PBX1: variants seen among roughly 807,000 people sequenced by gnomAD.
The protein encoded by PBX1 is PBX homeobox 1, also known as pre-B-cell leukemia transcription factor 1.
In PBX1, 6 loss-of-function variants were observed where a neutral mutation model predicts 53.4. The observed-to-expected ratio is 0.11, with a 90% CI of 0.06 to 0.22. The LOEUF is 0.22. Among genes scored for constraint, PBX1 ranks in the 10% least tolerant of loss-of-function variants. The probability of loss-of-function intolerance (pLI) is 1.00; values close to 1 mark genes in which losing one functional copy is unlikely to be tolerated. For missense variants in PBX1, 251 were observed against 551.4 expected (o/e 0.46, Z 5.46); for synonymous variants, 204 against 212.3 (o/e 0.96, Z 0.34).
At chr1:164,743,909 C>T (rs996020283) in intron 2 of PBX1, among the ~76,000 whole-genome samples, 1 of 152,048 alleles carries the variant, frequency 6.6e-6, no homozygotes, top group Admixed American at 6.6e-5. Flanking sequence ...CTCCTAGCTG[C>T]GAGGGAGGCT....
chr1:164,856,673 A>G (rs1433982379), downstream of PBX1, among the ~76,000 whole-genome samples: 2 of 152,098 alleles, frequency 1.3e-5, no homozygotes, highest in Non-Finnish European at 2.9e-5. Flanking sequence ...TTCAGAACAC[A>G]TGACAGGTCT....
intron 2 of PBX1, among the ~76,000 whole-genome samples, chr1:164,632,110 C>T (rs1335945682): frequency 6.6e-6 from 1 of 152,216 alleles, no homozygotes; most frequent in African/African-American, 2.4e-5. Context: ...ACACCACCCC[C>T]TCTCTGGACA....
intron 2 of PBX1, among the ~76,000 whole-genome samples, chr1:164,710,825 A>T (rs1187453494): frequency 6.6e-6 from 1 of 152,208 alleles, no homozygotes; most frequent in African/African-American, 2.4e-5. Context: ...ATATTTAATT[A>T]TTTGAAATAT....
chr1:164,677,359 TG>T (rs1361064581), intron 2 of PBX1, among the ~76,000 whole-genome samples: 1 of 151,912 alleles, frequency 6.6e-6, no homozygotes, highest in East Asian at 2.0e-4. Context: ...CCCAAAGTGC[TG>T]GGATTACAGG....
intron 2 of PBX1, among the ~76,000 whole-genome samples, chr1:164,750,637 T>C (rs1666160661): frequency 6.6e-6 from 1 of 152,228 alleles, no homozygotes. Flanking sequence ...CAGTCAGAAG[T>C]AGCTTTCAGG....
intron 2 of PBX1, among the ~76,000 whole-genome samples, chr1:164,784,394 G>A (rs112258093): frequency 0.016 from 2,429 of 152,304 alleles, 71 homozygotes; most frequent in African/African-American, 0.054. Flanking sequence ...GCTGGCCCAG[G>A]GAGGCGCAGC....
chr1:164,779,042 ATT>A (rs11350510), intron 2 of PBX1, among the ~76,000 whole-genome samples: 4,325 of 131,992 alleles, frequency 0.033, 172 homozygotes, highest in African/African-American at 0.1. Flanking sequence ...AAAGGAGATA[ATT>A]TTTTTTTTTT....
intron 2 of PBX1, among the ~76,000 whole-genome samples, chr1:164,597,772 A>G (rs1209655795): frequency 6.6e-6 from 1 of 152,156 alleles, no homozygotes; most frequent in Non-Finnish European, 1.5e-5. Context: ...TTTGTAGGTT[A>G]TAACTCTGGG....
intron 2 of PBX1, among the ~76,000 whole-genome samples, chr1:164,599,519 C>G (rs1032923578): frequency 1.3e-5 from 2 of 152,008 alleles, no homozygotes; most frequent in Non-Finnish European, 2.9e-5. Flanking sequence ...TAGTTCAAAC[C>G]CATTGTTTTT....
At chr1:164,871,913 CAA>C (rs1278347500) in intron 2 of PBX1, among the ~76,000 whole-genome samples, 2 of 152,110 alleles carry the variant, frequency 1.3e-5, no homozygotes, top group African/African-American at 4.8e-5. Flanking sequence ...ACACCGAACT[CAA>C]AGTTTCCCTT....
At chr1:164,625,851 C>T (rs1658000456) in intron 2 of PBX1, 1 of 692,130 alleles carries the variant, frequency 1.4e-6, no homozygotes, top group Non-Finnish European at 1.8e-6. Flanking sequence ...CATGAATTAT[C>T]CCATTCCCCC....
intron 8 of PBX1, 117 bp from the exon 9 acceptor site, chr1:164,846,467 T>C: frequency 1.2e-6 from 1 of 837,812 alleles, no homozygotes; most frequent in Admixed American, 1.8e-5. Flanking sequence ...TTGATGAGTG[T>C]CTCCATGTGC....
intron 2 of PBX1, chr1:164,683,633 T>G (rs1442399461): frequency 6.6e-6 from 1 of 152,076 alleles, no homozygotes; most frequent in African/African-American, 2.4e-5. Flanking sequence ...ACATACACAC[T>G]CTCACTTTTA....
chr1:164,723,450 G>T (rs1410525495), intron 2 of PBX1, among the ~76,000 whole-genome samples: 1 of 152,198 alleles, frequency 6.6e-6, no homozygotes, highest in Non-Finnish European at 1.5e-5. Context: ...AGTCATCAAA[G>T]AATTAATGTT....
intron 3 of PBX1, among the ~76,000 whole-genome samples, chr1:164,798,104 G>A (rs1668875307): frequency 6.6e-6 from 1 of 152,288 alleles, no homozygotes; most frequent in Non-Finnish European, 1.5e-5. Flanking sequence ...TATTCATGGA[G>A]GCAGGGTCAA....
At chr1:164,825,477 T>C (rs367760079) in intron 8 of PBX1, among the ~76,000 whole-genome samples, 9 of 152,320 alleles carry the variant, frequency 5.9e-5, no homozygotes, top group East Asian at 3.9e-4. Flanking sequence ...GCTACTAAAT[T>C]AAAAATTCAT....
chr1:164,638,103 G>A (rs1190101244), intron 2 of PBX1, among the ~76,000 whole-genome samples: 4 of 152,188 alleles, frequency 2.6e-5, no homozygotes, highest in Non-Finnish European at 4.4e-5. Flanking sequence ...GCAGTTAAGG[G>A]CACTCGTACT....
chr1:164,741,739 A>AGT (rs57771496), intron 2 of PBX1, among the ~76,000 whole-genome samples: 57,133 of 140,586 alleles, frequency 0.41, 11,863 homozygotes, highest in Middle Eastern at 0.51. Flanking sequence ...TGTATGAGTG[A>AGT]GTGTGTGTGT....
At chr1:164,635,290 G>A (rs976053946) in intron 2 of PBX1, among the ~76,000 whole-genome samples, 13 of 151,970 alleles carry the variant, frequency 8.6e-5, no homozygotes, top group Admixed American at 6.6e-4. Flanking sequence ...TGCTGCCACC[G>A]CTGCCACCAT....
Sources: allele counts gnomAD v4.1 joint callset (sites outside exome capture counted in the v4.1 genomes callset), GRCh38; gene constraint gnomAD v4.1.1; transcripts MANE v1.5; gene names NCBI Gene and HGNC (gene_info 2026-07-23, HGNC 2026-07-21).